The following DDX19A variants were observed in gnomAD, a reference collection of about 807,000 sequenced individuals.
The protein encoded by DDX19A is ATP-dependent RNA helicase DDX19A.
Under a neutral mutation model 60.6 loss-of-function variants are expected in DDX19A, and 12 were observed. That is an observed-to-expected ratio of 0.20 (90% CI 0.13 to 0.32). The LOEUF is 0.32. DDX19A is among the 10% of genes least tolerant of loss of function. DDX19A has a pLI of 1.00. For synonymous variants in DDX19A, 206 were observed against 218.2 expected (o/e 0.94, Z 0.49); for missense variants, 337 against 600.6 (o/e 0.56, Z 4.59).
At chr16:70,363,030 T>A (rs961802704) in intron 5 of DDX19A, among the ~76,000 whole-genome samples, 3 of 147,474 alleles carry the variant, frequency 2.0e-5, no homozygotes, top group Non-Finnish European at 3.0e-5. Context: ...AAAAAAAAAA[T>A]TTGTAGAGAC....
intron 1 of DDX19A, among the ~76,000 whole-genome samples, chr16:70,349,181 C>T (rs1477548237): frequency 6.6e-6 from 1 of 152,094 alleles, no homozygotes; most frequent in Admixed American, 6.6e-5. Flanking sequence ...CCAGAGGAAA[C>T]CAGGCAAACT....
chr16:70,370,645 G>A (rs374225154), intron 10 of DDX19A: 13 of 432,420 alleles, frequency 3.0e-5, no homozygotes, highest in East Asian at 1.9e-4. Flanking sequence ...GCAGTGAGCC[G>A]AGAATGTGCT....
At chr16:70,362,594 T>C (rs886114987) in intron 5 of DDX19A, among the ~76,000 whole-genome samples, 5 of 152,038 alleles carry the variant, frequency 3.3e-5, no homozygotes, top group Non-Finnish European at 5.9e-5. Flanking sequence ...TAAGTTCCTT[T>C]TGAGACAGGG....
chr16:70,364,772 C>G (rs1964467521), intron 6 of DDX19A, 127 bp downstream of exon 6: 3 of 746,016 alleles, frequency 4.0e-6, no homozygotes, highest in South Asian at 3.3e-5. Flanking sequence ...GAGCAAGTTC[C>G]TACACCAGGC....
intron 1 of DDX19A, chr16:70,347,994 T>A (rs1362551311): frequency 2.2e-6 from 1 of 450,818 alleles, no homozygotes; most frequent in Non-Finnish European, 4.5e-6. Context: ...CCAGCCGGTA[T>A]GGGGATTTTT....
chr16:70,356,188 C>G lies in DDX19A; in HGVS notation c.234C>G (p.Val78=). The G allele has an allele frequency of 2.5e-6, 4 of 1,613,964 alleles. No individual in the cohort carries two copies. The highest frequency in any genetic ancestry group is 3.4e-6 in the Non-Finnish European group (4 of 1,180,036). Residue 78 remains valine (V), a synonymous_variant, in exon 4 of 12, where the codon GTC becomes GTG. Coordinates refer to ENST00000302243, the MANE Select transcript of DDX19A (RefSeq NM_018332.5). ...TTGATAACACAAACCAAGTGGAAGTCCTGCAACGGGATCCAAACTCCCCTC... is the reference window on the plus strand; with the variant it reads ...TTGATAACACAAACCAAGTGGAAGTGCTGCAACGGGATCCAAACTCCCCTC... ...NLVDNTNQVE[V]LQRDPNSPLY...
rs934321384 is a variant in DDX19A at position 70,372,875 on chromosome 16, G to A, written c.*889G>A. The A allele has an allele frequency of 1.3e-5, 2 of 152,216 alleles. No individual in the cohort carries two copies. Among genetic ancestry groups the A allele is most frequent in the Non-Finnish European group, 2.9e-5 (2 of 68,064 alleles). 9.4% of individuals were successfully genotyped at this position (152,216 alleles called of 1,614,324 possible). On this transcript the variant is annotated 3_prime_UTR_variant, in exon 12 of 12. Transcript: ENST00000302243. Reference sequence around the variant, plus strand: ...TTTGGAATGGAAGTTATGACCAAGGGAATTATGCTGTTCATTTATAATAGT... The same window carrying A: ...TTTGGAATGGAAGTTATGACCAAGGAAATTATGCTGTTCATTTATAATAGT...
At chr16:70,365,202 A>G (rs1964483435) in intron 7 of DDX19A, 71 bp downstream of exon 7, 3 of 1,016,680 alleles carry the variant, frequency 3.0e-6, no homozygotes, top group Middle Eastern at 4.3e-4. Context: ...TGAAGATGCG[A>G]TGACCGTATT....
intron 5 of DDX19A, chr16:70,364,172 A>G (rs1370812908): frequency 5.8e-6 from 1 of 172,014 alleles, no homozygotes; most frequent in African/African-American, 2.4e-5. Context: ...AGAAGGAACC[A>G]AATTCTGGGA....
chr16:70,368,581 C>G (rs977532991), intron 9 of DDX19A, among the ~76,000 whole-genome samples: 1 of 149,386 alleles, frequency 6.7e-6, no homozygotes, highest in Non-Finnish European at 1.5e-5. Flanking sequence ...CCAAAAAATA[C>G]TCTTTTTTTT....
rs1964670903 is a variant in DDX19A at position 70,371,076 on chromosome 16, T to A, written c.1184-296T>A. 27 of 540,376 alleles carry A rather than the reference T, an allele frequency of 5.0e-5. No individual in the cohort carries two copies. In the South Asian group the frequency reaches 5.7e-4, roughly 11 times the overall value. 33.5% of individuals were successfully genotyped at this position (540,376 alleles called of 1,614,324 possible). On this transcript the variant is annotated intron_variant, in intron 10 of 11. Transcript: ENST00000302243. ...CTTGGTGGAAGGAAATGTACAGGCA[T>A]CTGACTGGTAGAGAACGGAGCCTAC...
chr16:70,369,211 C>T lies in DDX19A; in HGVS notation c.1021-1012C>T, dbSNP rs1291533642. ...TTTTTTTTTTTTTGAAACGGAATCT[C>T]GCCTCTTGCCCAGGCTGGAGTGCAA... On this transcript the variant is annotated intron_variant, in intron 9 of 11. Transcript: ENST00000302243. 1.1e-4 allele frequency among the ~76,000 whole-genome samples: 11 copies of T among 102,762 alleles called. No homozygotes were observed. The South Asian group carries it at 2.1e-3, about 20-fold the overall frequency. The allele number at this position is 102,762 out of a possible 152,430, so 67.4% of individuals were successfully genotyped here.
intron 4 of DDX19A, among the ~76,000 whole-genome samples, chr16:70,358,398 G>A (rs1485935885): frequency 1.3e-5 from 2 of 151,776 alleles, no homozygotes; most frequent in South Asian, 2.1e-4. Context: ...CTGAACTCCT[G>A]TGGTCAAAGA....
rs748408829 is a variant in DDX19A at position 70,355,579 on chromosome 16, G to A, written c.157+44G>A. ...CCTTGGCAAGAGACGGTATGACCCA[G>A]GGCTTGCCTTCCTGGAGCCAGGGGC... On this transcript the variant is annotated intron_variant, in intron 3 of 11. Transcript: ENST00000302243. 1.9e-6 allele frequency: 3 copies of A among 1,549,996 alleles called. No homozygotes were observed. The African/African-American group carries it at 4.1e-5, about 21-fold the overall frequency.
At position 70,366,664 on chromosome 16, in the gene DDX19A, A is replaced by T; in HGVS notation, c.823A>T (p.Thr275Ser). Residue 275 changes from threonine (T) to serine (S), a missense_variant, in exon 9 of 12, where the codon ACC (threonine) becomes TCC (serine). Thr to Ser is a moderately conservative substitution (Grantham distance 58). Coordinates refer to ENST00000302243, the MANE Select transcript of DDX19A (RefSeq NM_018332.5). ...RNCQMLLFSA[T>S]FEDSVWKFAQ... Reference sequence around the variant, plus strand: ...CTGCCAGATGCTGCTTTTCTCCGCCACCTTTGAAGACTCTGTGTGGAAGTT... The same window carrying T: ...CTGCCAGATGCTGCTTTTCTCCGCCTCCTTTGAAGACTCTGTGTGGAAGTT... The T allele has an allele frequency of 6.2e-7, 1 of 1,614,074 alleles. No individual in the cohort carries two copies. The highest frequency in any genetic ancestry group is 8.5e-7 in the Non-Finnish European group (1 of 1,180,018).
rs1431416995 is a variant in DDX19A at position 70,370,899 on chromosome 16, G to C, written c.1184-473G>C. The C allele has an allele frequency of 2.3e-5, 5 of 214,976 alleles. No homozygotes were observed. The Admixed American group carries it at 2.6e-4, about 11-fold the overall frequency. 13.3% of individuals were successfully genotyped at this position (214,976 alleles called of 1,614,324 possible). ...TAATCCCAGCTACTCAGGAGGCTGA[G>C]ACAGGAGAATCGCTTGAACCCGGGA... On this transcript the variant is annotated intron_variant, in intron 10 of 11. Coordinates refer to ENST00000302243, the MANE Select transcript of DDX19A (RefSeq NM_018332.5).
intron 10 of DDX19A, chr16:70,371,129 A>G (rs1964673792): frequency 7.5e-6 from 5 of 665,654 alleles, no homozygotes; most frequent in African/African-American, 1.8e-5. Flanking sequence ...TCTCCAGAAC[A>G]TTGTGTCTCC....
At chr16:70,362,366 G>T (rs1403625556) in intron 5 of DDX19A, among the ~76,000 whole-genome samples, 1 of 149,952 alleles carries the variant, frequency 6.7e-6, no homozygotes, top group Non-Finnish European at 1.5e-5. Flanking sequence ...AAAAAAACTG[G>T]GTTTAAAAAA....
Position 70,372,744 on chromosome 16 carries a change from CT to C in DDX19A, c.*759del, listed in dbSNP as rs1312456412. The stretch of plus-strand genomic sequence containing the variant: ...TCGGTTGCTCCCTCTGCCTAGGCCC[CT>C]GGTACTCAGTCACGGCAGCCAGGAG... On this transcript the variant is annotated 3_prime_UTR_variant, in exon 12 of 12. Coordinates refer to ENST00000302243, the MANE Select transcript of DDX19A (RefSeq NM_018332.5). 5.3e-5 allele frequency: 8 copies of C among 152,380 alleles called. No homozygotes were observed. Among genetic ancestry groups the C allele is most frequent in the Non-Finnish European group, 1.2e-4 (8 of 68,220 alleles). 9.4% of individuals were successfully genotyped at this position (152,380 alleles called of 1,614,324 possible).
Sources: allele counts gnomAD v4.1 joint callset (sites outside exome capture counted in the v4.1 genomes callset), GRCh38; gene constraint gnomAD v4.1.1; transcripts MANE v1.5; gene names NCBI Gene and HGNC (gene_info 2026-07-23, HGNC 2026-07-21).